The following KCNJ3 variants were observed in gnomAD, a reference collection of about 807,000 sequenced individuals.
KCNJ3 encodes the protein G protein-activated inward rectifier potassium channel 1.
In KCNJ3, 4 loss-of-function variants were observed where a neutral mutation model predicts 39.2. That is an observed-to-expected ratio of 0.10 (90% CI 0.05 to 0.23). The LOEUF is 0.23. Ranked by LOEUF, KCNJ3 falls within the 10% of genes least tolerant of loss-of-function variation. KCNJ3 has a pLI of 1.00. For missense variants in KCNJ3, 276 were observed against 634.9 expected, an observed-to-expected ratio of 0.43 and a Z score of 6.08; for synonymous variants, 230 against 237.4, an observed-to-expected ratio of 0.97 and a Z score of 0.29.
rs527360310 is a variant in KCNJ3 at position 154,785,430 on chromosome 2, T to A, written c.920-69297T>A. On this transcript the variant is annotated intron_variant, in intron 2 of 2. Transcript: ENST00000295101. ...GCGTGTTTGTCCCTTCCAAAACTCA[T>A]GCTGAAACTTACTTGTCATTGTAAC... Among the ~76,000 whole-genome samples the A allele has an allele frequency of 3.9e-5, 6 of 152,296 alleles. No individual in the cohort carries two copies. In the East Asian group the frequency reaches 1.2e-3, roughly 29 times the overall value.
chr2:154,820,520 G>A (rs1009927827), intron 2 of KCNJ3, among the ~76,000 whole-genome samples: 2 of 152,110 alleles, frequency 1.3e-5, no homozygotes, highest in African/African-American at 4.8e-5. Flanking sequence ...GGGTGAAGAC[G>A]CTTGAGGCCA....
At chr2:154,797,003 G>A (rs1686731376) in intron 2 of KCNJ3, among the ~76,000 whole-genome samples, 2 of 152,142 alleles carry the variant, frequency 1.3e-5, no homozygotes, top group South Asian at 4.1e-4. Flanking sequence ...ATTGAGCAAT[G>A]TCTAGCGAAA....
At chr2:154,847,142 G>A (rs1180190524) in intron 2 of KCNJ3, among the ~76,000 whole-genome samples, 1 of 151,990 alleles carries the variant, frequency 6.6e-6, no homozygotes, top group Non-Finnish European at 1.5e-5. Flanking sequence ...ATTCTTAATG[G>A]CTTTGCAACC....
chr2:154,821,173 G>C (rs1404521775), intron 2 of KCNJ3, among the ~76,000 whole-genome samples: 1 of 152,146 alleles, frequency 6.6e-6, no homozygotes, highest in East Asian at 1.9e-4. Flanking sequence ...CAGTTTTCTT[G>C]TTTGTCAGCA....
At chr2:154,758,547 A>G (rs527499087) in intron 2 of KCNJ3, among the ~76,000 whole-genome samples, 3 of 152,348 alleles carry the variant, frequency 2.0e-5, no homozygotes, top group Non-Finnish European at 4.4e-5. Flanking sequence ...TGTTTAGAAA[A>G]CAATGACTAG....
intron 2 of KCNJ3, among the ~76,000 whole-genome samples, chr2:154,810,010 C>T (rs1182557313): frequency 6.6e-6 from 1 of 152,030 alleles, no homozygotes; most frequent in Non-Finnish European, 1.5e-5. Flanking sequence ...ATATATGGAA[C>T]AATTATATGT....
intron 2 of KCNJ3, among the ~76,000 whole-genome samples, chr2:154,786,570 C>T (rs1454258211): frequency 1.3e-5 from 2 of 152,130 alleles, no homozygotes; most frequent in Non-Finnish European, 2.9e-5. Flanking sequence ...CTTCTGAGTA[C>T]TTGACAATCT....
chr2:154,709,534 A>G lies in KCNJ3; in HGVS notation c.703-69A>G, dbSNP rs557478922. ...CAGAATGTTGGCAATGATGTAAATT[A>G]CTGTTGGGCTGCCTTGAAATTTTCA... On this transcript the variant is annotated intron_variant, in intron 1 of 2. Transcript: ENST00000295101. 225 of 1,470,470 alleles carry G rather than the reference A, an allele frequency of 1.5e-4. 2 individuals are homozygous for G. The South Asian group carries it at 2.8e-3, about 18-fold the overall frequency. 91.1% of individuals were successfully genotyped at this position (1,470,470 alleles called of 1,614,324 possible).
intron 2 of KCNJ3, among the ~76,000 whole-genome samples, chr2:154,746,841 G>A (rs901708780): frequency 2.6e-5 from 4 of 151,522 alleles, no homozygotes; most frequent in Non-Finnish European, 4.4e-5. Context: ...AATGATTTGT[G>A]AAATATATTC....
At chr2:154,818,960 G>C (rs150880355) in intron 2 of KCNJ3, among the ~76,000 whole-genome samples, 144 of 79,962 alleles carry the variant, frequency 1.8e-3, no homozygotes, top group African/African-American at 5.7e-3. Flanking sequence ...TAATCATCTT[G>C]TGAAATTCTA....
chr2:154,762,561 C>A (rs1368131663), intron 2 of KCNJ3, among the ~76,000 whole-genome samples: 2 of 152,172 alleles, frequency 1.3e-5, no homozygotes, highest in Non-Finnish European at 2.9e-5. Context: ...GTGTTCCCAG[C>A]AAAGCCAATT....
At chr2:154,811,119 A>C (rs529510970) in intron 2 of KCNJ3, among the ~76,000 whole-genome samples, 15 of 152,234 alleles carry the variant, frequency 9.9e-5, no homozygotes, top group African/African-American at 3.4e-4. Context: ...ACCAAGTACA[A>C]CTCTGGGAAA....
intron 2 of KCNJ3, among the ~76,000 whole-genome samples, chr2:154,845,056 A>G (rs1372179657): frequency 3.3e-5 from 5 of 152,234 alleles, no homozygotes; most frequent in African/African-American, 1.2e-4. Flanking sequence ...GCTGTAGACC[A>G]GAGCTGTTCC....
At chr2:154,818,338 A>G (rs1222734430) in intron 2 of KCNJ3, among the ~76,000 whole-genome samples, 1 of 151,898 alleles carries the variant, frequency 6.6e-6, no homozygotes, top group Non-Finnish European at 1.5e-5. Context: ...GAGGGAAACT[A>G]GATACATGTT....
At chr2:154,740,390 G>A (rs1250564755) in intron 2 of KCNJ3, among the ~76,000 whole-genome samples, 1 of 152,026 alleles carries the variant, frequency 6.6e-6, no homozygotes, top group East Asian at 1.9e-4. Context: ...TCTGTTAGTA[G>A]AATTTTAGTA....
At chr2:154,713,516 C>G (rs1204019035) in intron 2 of KCNJ3, among the ~76,000 whole-genome samples, 1 of 152,094 alleles carries the variant, frequency 6.6e-6, no homozygotes, top group Non-Finnish European at 1.5e-5. Context: ...AATTAGCTTC[C>G]TAATTTTCTT....
At chr2:154,725,246 T>C (rs1002144496) in intron 2 of KCNJ3, among the ~76,000 whole-genome samples, 5 of 151,444 alleles carry the variant, frequency 3.3e-5, no homozygotes, top group South Asian at 2.1e-4. Flanking sequence ...TTTTTTTTTT[T>C]CTCCAAACTT....
intron 2 of KCNJ3, among the ~76,000 whole-genome samples, chr2:154,818,918 C>CT (rs57668487): frequency 0.061 from 3,178 of 52,372 alleles, 314 homozygotes; most frequent in African/African-American, 0.071. Context: ...CTGCAAAAGC[C>CT]TTTTTTTTTT....
Position 154,791,471 on chromosome 2 carries a change from A to C in KCNJ3, c.920-63256A>C, listed in dbSNP as rs889947764. ...ATTATTATTTGAAGAATGTGCATTC[A>C]AGAGAGGTTATAAAACTTGTCTGAG... On this transcript the variant is annotated intron_variant, in intron 2 of 2. Transcript: ENST00000295101. Among the ~76,000 whole-genome samples the C allele has an allele frequency of 7.2e-5, 11 of 152,032 alleles. 1 individual carries two copies. Among genetic ancestry groups the C allele is most frequent in the African/African-American group, 2.4e-4 (10 of 41,422 alleles).
Sources: gnomAD v4.1 joint callset for allele counts (sites outside exome capture counted in the v4.1 genomes callset) on GRCh38, gnomAD v4.1.1 for gene constraint, MANE v1.5 for transcripts, NCBI Gene and HGNC (gene_info 2026-07-23, HGNC 2026-07-21) for gene names.